Variants in TMEM128 observed in about 807,000 individuals in gnomAD.
The protein encoded by TMEM128 is transmembrane protein 128.
A neutral mutation model predicts 19.7 loss-of-function variants in TMEM128; 16 were observed. The ratio of observed to expected loss-of-function variants is 0.81; its 90% CI spans 0.55 to 1.23. The LOEUF (loss-of-function observed/expected upper bound fraction) is 1.23. Among genes scored for constraint, TMEM128 ranks in the 50% most tolerant of loss-of-function variants. TMEM128 has a pLI of 0.00. For synonymous variants in TMEM128, 98 were observed against 75.8 expected (o/e 1.29, Z -1.52); for missense variants, 237 against 200.8 (o/e 1.18, Z -1.09).
chr4:4,246,073 TCAC>T (rs1718157051), intron 2 of TMEM128, 126 bp downstream of exon 2: 5 of 922,604 alleles, frequency 5.4e-6, no homozygotes, highest in Non-Finnish European at 1.6e-6. Context: ...CATCTTCGTA[TCAC>T]CACACCTCCA....
intron 1 of TMEM128, chr4:4,247,893 T>A (rs2916464): frequency 7.0e-7 from 1 of 1,429,612 alleles, no homozygotes; most frequent in Non-Finnish European, 9.1e-7. Context: ...TATTTCCAAA[T>A]AGGTGTCAAA....
At chr4:4,243,492 A>C (rs1260354922) in intron 2 of TMEM128, among the ~76,000 whole-genome samples, 3 of 152,336 alleles carry the variant, frequency 2.0e-5, no homozygotes, top group African/African-American at 7.2e-5. Flanking sequence ...AAATCACCTC[A>C]GGCGTCAGAA....
At position 4,246,270 on chromosome 4, in the gene TMEM128, C is replaced by A. The variant is rs149780410; in HGVS notation, c.171G>T (p.Leu57Phe). 1.2e-5 allele frequency: 19 copies of A among 1,612,680 alleles called. No homozygotes were observed. The highest frequency in any genetic ancestry group is 1.6e-5 in the Non-Finnish European group (19 of 1,179,514). The change falls in exon 2 of 5, where the codon TTG becomes TTT. Residue 57 changes from leucine (L) to phenylalanine (F), a missense_variant. Physicochemically the swap from Leu to Phe is conservative, Grantham distance 22. Coordinates refer to ENST00000382753, the MANE Select transcript of TMEM128 (RefSeq NM_001297551.2). ...RLNIHSGFWI[L>F]ASIVVTYYVD... Reference sequence around the variant, plus strand: ...CATAATAGGTCACAACAATGGATGCCAAAATCCAGAATCCAGAATGGATAT... The same window carrying A: ...CATAATAGGTCACAACAATGGATGCAAAAATCCAGAATCCAGAATGGATAT...
chr4:4,245,771 CAT>C (rs951662878), intron 2 of TMEM128, among the ~76,000 whole-genome samples: 67 of 151,836 alleles, frequency 4.4e-4, no homozygotes, highest in African/African-American at 1.5e-3. Flanking sequence ...TACACACACA[CAT>C]GAATATATAC....
chr4:4,247,997 T>G, intron 1 of TMEM128, 109 bp downstream of exon 1: 2 of 1,466,606 alleles, frequency 1.4e-6, no homozygotes, highest in Non-Finnish European at 1.8e-6. Flanking sequence ...ATATTCGACT[T>G]GCAAAGCCGA....
intron 1 of TMEM128, among the ~76,000 whole-genome samples, chr4:4,246,938 G>T (rs1010463081): frequency 3.9e-5 from 6 of 152,080 alleles, no homozygotes; most frequent in Admixed American, 6.6e-5. Context: ...AGTAGAGACG[G>T]GGTTTCACCA....
At chr4:4,246,662 T>C (rs1372535354) in intron 1 of TMEM128, among the ~76,000 whole-genome samples, 1 of 152,240 alleles carries the variant, frequency 6.6e-6, no homozygotes, top group African/African-American at 2.4e-5. Context: ...TCTAGGAAAG[T>C]AATTAGTCTT....
chr4:4,246,319 T>A lies in TMEM128; in HGVS notation c.122A>T (p.Lys41Met), dbSNP rs765898726. 6.2e-7 allele frequency: 1 copy of A among 1,608,978 alleles called. No homozygotes were observed. Among genetic ancestry groups the A allele is most frequent in the Non-Finnish European group, 8.5e-7 (1 of 1,178,406 alleles). Residue 41 changes from lysine to methionine, a missense_variant, in exon 2 of 5, where the codon AAG becomes ATG. Transcript: ENST00000382753. ...GPETSTAVEKKEKPLPRLNIH... is the reference protein window; with the variant it reads ...GPETSTAVEKMEKPLPRLNIH... ...ATTAAGTCTTGGAAGAGGTTTCTCC[T>A]TTTTCTCAACAGCTGTGGAGGTTTC...
intron 1 of TMEM128, chr4:4,247,852 A>G: frequency 7.0e-7 from 1 of 1,430,808 alleles, no homozygotes; most frequent in Non-Finnish European, 9.1e-7. Flanking sequence ...CTTAAGACTT[A>G]AAACTGGTGG....
chr4:4,247,723 C>A, intron 1 of TMEM128: 1 of 1,589,668 alleles, frequency 6.3e-7, no homozygotes, highest in Non-Finnish European at 8.6e-7. Context: ...TTTACTTAAA[C>A]AGCTTTCTGC....
Position 4,236,244 on chromosome 4 carries a change from G to C in TMEM128, c.*22C>G, listed in dbSNP as rs1336908728. On this transcript the variant is annotated 3_prime_UTR_variant, in exon 5 of 5. Transcript: ENST00000382753. ...GTTCAAAGACAGCCTGGGCAACATAGAAGACCCTGTCTCTTAAAAAAAAAA... is the reference window on the plus strand; with the variant it reads ...GTTCAAAGACAGCCTGGGCAACATACAAGACCCTGTCTCTTAAAAAAAAAA... The C allele has an allele frequency of 1.5e-5, 2 of 133,092 alleles. No homozygotes were observed. The highest frequency in any genetic ancestry group is 2.9e-5 in the African/African-American group (1 of 34,240). The allele number at this position is 133,092 out of a possible 1,614,324, so 8.2% of individuals were successfully genotyped here.
At chr4:4,246,165 C>G (rs773613865) in intron 2 of TMEM128, 37 bp downstream of exon 2, 1 of 1,569,902 alleles carries the variant, frequency 6.4e-7, no homozygotes, top group African/African-American at 1.4e-5. Flanking sequence ...AAAAATCAGA[C>G]TTGGGTTTAA....
Position 4,236,026 on chromosome 4 carries a change from T to C in TMEM128, c.*240A>G, listed in dbSNP as rs1327710205. ...ACAACAGTTATACAAAGTCACAATT[T>C]TCCCCAGGAAACCATTCACTTCATA... On this transcript the variant is annotated 3_prime_UTR_variant, in exon 5 of 5. Coordinates refer to ENST00000382753, the MANE Select transcript of TMEM128 (RefSeq NM_001297551.2). 1.3e-5 allele frequency: 2 copies of C among 152,236 alleles called. No individual in the cohort carries two copies. The highest frequency in any genetic ancestry group is 4.8e-5 in the African/African-American group (2 of 41,466). 9.4% of individuals were successfully genotyped at this position (152,236 alleles called of 1,614,324 possible).
At chr4:4,248,017 CT>C (rs1718267163) in intron 1 of TMEM128, 88 bp downstream of exon 1, 1 of 1,497,882 alleles carries the variant, frequency 6.7e-7, no homozygotes, top group African/African-American at 1.4e-5. Flanking sequence ...AAACTCAGTC[CT>C]TCCAGACTGG....
At position 4,248,165 on chromosome 4, in the gene TMEM128, C is replaced by T. The variant is rs1718286859; in HGVS notation, c.38G>A (p.Arg13Gln). The change falls in exon 1 of 5, where the codon CGA becomes CAA. Residue 13 changes from arginine to glutamine, a missense_variant. Arg to Gln is a conservative substitution (Grantham distance 43). Transcript: ENST00000382753. ...SSRARQQLRR[R>Q]FLLLPDAEAQ... ...CTCGGCGTCCGGCAGGAGGAGGAAT[C>T]GCCGCCGGAGCTGCTGCCGGGCCCG... 5 of 1,533,266 alleles carry T rather than the reference C, an allele frequency of 3.3e-6. No individual in the cohort carries two copies. The East Asian group carries it at 1.2e-4, about 38-fold the overall frequency. The allele number at this position is 1,533,266 out of a possible 1,614,324, so 95.0% of individuals were successfully genotyped here. A position where few individuals can be genotyped will look rare whatever the true frequency, so the allele number is the denominator to read the frequency against.
Position 4,248,109 on chromosome 4 carries a change from G to A in TMEM128, c.94C>T (p.Pro32Ser). ...GGCGGCTTGGTGCGCGCCTCACCCG[G>A]CCCGGCGTCACCCTCGCGGTCCAGC... ...AQLDREGDAG[P>S]ETSTAVEKKE... Residue 32 changes from proline to serine, a missense_variant, in exon 1 of 5, where the codon CCG (proline) becomes TCG (serine). Transcript: ENST00000382753. The A allele has an allele frequency of 6.5e-7, 1 of 1,535,586 alleles. No homozygotes were observed. Among genetic ancestry groups the A allele is most frequent in the Non-Finnish European group, 8.7e-7 (1 of 1,143,986 alleles).
Position 4,246,678 on chromosome 4 carries a change from T to C in TMEM128, c.98-335A>G, listed in dbSNP as rs114950058. 9.4e-3 allele frequency among the ~76,000 whole-genome samples: 1,427 copies of C among 152,320 alleles called. 19 individuals are homozygous for C. The highest frequency in any genetic ancestry group is 0.029 in the African/African-American group (1,196 of 41,562). On this transcript the variant is annotated intron_variant, in intron 1 of 4. Coordinates refer to ENST00000382753, the MANE Select transcript of TMEM128 (RefSeq NM_001297551.2). ...CTAGGAAAGTAATTAGTCTTGTTAA[T>C]TAGGAAAAATGCCAAAGGCAAACAT...
chr4:4,246,169 G>T, intron 2 of TMEM128, 33 bp downstream of exon 2: 5 of 1,573,416 alleles, frequency 3.2e-6, no homozygotes, highest in South Asian at 2.4e-5. Flanking sequence ...ATCAGACTTG[G>T]GTTTAATTTA....
At chr4:4,238,768 G>A (rs939717080) in intron 3 of TMEM128, among the ~76,000 whole-genome samples, 13 of 152,088 alleles carry the variant, frequency 8.5e-5, no homozygotes, top group South Asian at 2.1e-4. Flanking sequence ...GGGTGGTGGC[G>A]CACGCCTGTA....
Sources: gnomAD v4.1 joint callset for allele counts (sites outside exome capture counted in the v4.1 genomes callset) on GRCh38, gnomAD v4.1.1 for gene constraint, MANE v1.5 for transcripts, NCBI Gene and HGNC (gene_info 2026-07-23, HGNC 2026-07-21) for gene names.